The following PPARA variants were observed in gnomAD, a reference collection of about 807,000 sequenced individuals.
The protein encoded by PPARA is peroxisome proliferator activated receptor alpha.
PPARA carries 22 observed loss-of-function variants against 42.2 expected under a neutral mutation model. The observed-to-expected ratio is 0.52, with a 90% confidence interval of 0.37 to 0.74. PPARA has a LOEUF of 0.74. PPARA is among the 30% of genes least tolerant of loss of function. The probability of loss-of-function intolerance (pLI) is 0.00; values close to 1 mark genes in which losing one functional copy is unlikely to be tolerated. For missense variants in PPARA, 465 were observed against 608.2 expected (o/e 0.76, Z 2.48); for synonymous variants, 242 against 239.3 (o/e 1.01, Z -0.10).
chr22:46,199,451 G>A (rs1932755247), intron 4 of PPARA, among the ~76,000 whole-genome samples: 6 of 151,994 alleles, frequency 3.9e-5, no homozygotes, highest in Admixed American at 3.9e-4. Flanking sequence ...TGACCAACAT[G>A]GTGAGGCCCC....
rs1354568840 is a variant in PPARA, at chr22:46,204,317, GTC to G, written c.208+5730_208+5731del. Among the ~76,000 whole-genome samples the G allele has an allele frequency of 1.3e-5, 2 of 152,202 alleles. No individual in the cohort carries two copies. The highest frequency in any genetic ancestry group is 2.9e-5 in the Non-Finnish European group (2 of 68,044). ...AGCTGCTATGAACATTCACGTACAA[GTC>G]TCTGTACAACCCTCTGCTTTCATTT... is the stretch of plus-strand genomic sequence containing the variant. On this transcript the variant is annotated intron_variant, in intron 4 of 8. Transcript: ENST00000407236. This position sits in a 1 kb window ranked among gnomAD's most constrained non-coding sequence, Gnocchi z 5.2.
intron 3 of PPARA, among the ~76,000 whole-genome samples, chr22:46,189,627 T>C (rs778475703): frequency 3.3e-5 from 5 of 152,226 alleles, no homozygotes; most frequent in Admixed American, 6.5e-5. Flanking sequence ...TGTGTTTCCA[T>C]TGGCATTTTC....
In PPARA at chr22:46,175,325, G is replaced by C. The variant is rs139204643; in HGVS notation, c.-126-1428G>C. Among the ~76,000 whole-genome samples the C allele has an allele frequency of 2.8e-3, 424 of 152,208 alleles. 5 individuals carry two copies. The highest frequency in any genetic ancestry group is 9.7e-3 in the African/African-American group (404 of 41,536). ...TTTCCATCACCAATCAGTGGTCATG[G>C]TGCCTTTTATAGCCAAACCCACTTC... On this transcript the variant is annotated intron_variant, in intron 2 of 8. Transcript: ENST00000407236.
rs916836067 is a variant in PPARA, at chr22:46,224,018, G to C, written c.711+4004G>C. Among the ~76,000 whole-genome samples the C allele has an allele frequency of 2.0e-5, 3 of 151,954 alleles. No individual in the cohort carries two copies. The highest frequency in any genetic ancestry group is 7.3e-5 in the African/African-American group (3 of 41,334). ...ATTGGGGTTCACAATTTGGTTTTCTGTAGAAAAAGAGAACCGGGCACTCTT... is the reference window on the plus strand; with the variant it reads ...ATTGGGGTTCACAATTTGGTTTTCTCTAGAAAAAGAGAACCGGGCACTCTT... On this transcript the variant is annotated intron_variant, in intron 7 of 8. Coordinates refer to ENST00000407236, the MANE Select transcript of PPARA (RefSeq NM_005036.6). This position sits in a 1 kb window ranked among gnomAD's most constrained non-coding sequence, Gnocchi z 5.7.
intron 1 of PPARA, among the ~76,000 whole-genome samples, chr22:46,151,378 G>T (rs1344753750): frequency 6.6e-6 from 1 of 152,234 alleles, no homozygotes; most frequent in Non-Finnish European, 1.5e-5. Flanking sequence ...CGGGCGCCCA[G>T]GTCTTTCCGG....
At position 46,190,460 on chromosome 22, in the gene PPARA, C is replaced by T. The variant is rs1477157926; in HGVS notation, c.-42-7882C>T. ...TATTGTTCTGGAGGCTTTTGTATCA[C>T]ATATAAGTTCCAGGCTGGGTATGAT... On this transcript the variant is annotated intron_variant, in intron 3 of 8. Transcript: ENST00000407236. The surrounding 1 kb of genome is among the most constrained non-coding windows in gnomAD (Gnocchi z 5.6). 6.6e-6 allele frequency among the ~76,000 whole-genome samples: 1 copy of T among 152,168 alleles called. No homozygotes were observed. Among genetic ancestry groups the T allele is most frequent in the Non-Finnish European group, 1.5e-5 (1 of 68,026 alleles).
chr22:46,233,449 C>CA lies in PPARA; in HGVS notation c.1159+1211dup, dbSNP rs1364922283. 1.3e-5 allele frequency among the ~76,000 whole-genome samples: 2 copies of CA among 152,234 alleles called. No homozygotes were observed. The highest frequency in any genetic ancestry group is 2.4e-5 in the African/African-American group (1 of 41,462). ...GTTGGTGGAGACAGATGGGGTCTCCCACACTGCCTGCAGCCATACTGCGCC... is the reference window on the plus strand; with the variant it reads ...GTTGGTGGAGACAGATGGGGTCTCCCAACACTGCCTGCAGCCATACTGCGCC... On this transcript the variant is annotated intron_variant, in intron 8 of 8. Coordinates refer to ENST00000407236, the MANE Select transcript of PPARA (RefSeq NM_005036.6). This position sits in a 1 kb window ranked among gnomAD's most constrained non-coding sequence, Gnocchi z 7.3.
At chr22:46,210,359 C>G (rs1933810121) in intron 4 of PPARA, among the ~76,000 whole-genome samples, 1 of 149,088 alleles carries the variant, frequency 6.7e-6, no homozygotes, top group South Asian at 2.1e-4. Flanking sequence ...TCATCTGTGT[C>G]ACTTCTGAGT....
intron 4 of PPARA, among the ~76,000 whole-genome samples, chr22:46,210,605 G>A (rs538127388): frequency 8.2e-4 from 124 of 152,032 alleles, no homozygotes; most frequent in African/African-American, 2.9e-3. Flanking sequence ...ACCATGCCCA[G>A]ATAATTTTTT....
chr22:46,242,730 TGCAC>T lies in PPARA; in HGVS notation c.*7351_*7354del, dbSNP rs1936407535. On this transcript the variant is annotated 3_prime_UTR_variant, in exon 9 of 9. Transcript: ENST00000407236. This position sits in a 1 kb window ranked among gnomAD's most constrained non-coding sequence, Gnocchi z 6.1. ...AAAATACACTGCGTACACGTGTGCG[TGCAC>T]ACACACACACACACACACACACACA... is the stretch of plus-strand genomic sequence containing the variant. 1 of 100,652 alleles carries T rather than the reference TGCAC, an allele frequency of 9.9e-6. No individual in the cohort carries two copies. Among genetic ancestry groups the T allele is most frequent in the South Asian group, 2.7e-4 (1 of 3,724 alleles). The allele number at this position is 100,652 out of a possible 1,614,324, so 6.2% of individuals were successfully genotyped here.
rs1936182324 is a variant in PPARA, at chr22:46,236,003, C to T, written c.*623C>T. 6.4e-6 allele frequency: 1 copy of T among 155,050 alleles called. No individual in the cohort carries two copies. The highest frequency in any genetic ancestry group is 2.4e-5 in the African/African-American group (1 of 41,460). 9.6% of individuals were successfully genotyped at this position (155,050 alleles called of 1,614,324 possible). A position where few individuals can be genotyped will look rare whatever the true frequency, so the allele number is the denominator to read the frequency against. On this transcript the variant is annotated 3_prime_UTR_variant, in exon 9 of 9. Coordinates refer to ENST00000407236, the MANE Select transcript of PPARA (RefSeq NM_005036.6). This position sits in a 1 kb window ranked among gnomAD's most constrained non-coding sequence, Gnocchi z 5.2. ...GTCGCTCATACTTGTAATCCCAGCA[C>T]TTTGGGAGGCCGAGGCGGGTGGATC...
chr22:46,235,517 A>G lies in PPARA; in HGVS notation c.*137A>G. ...GCTTGGACAGTCTGAGCTGTAGGTA[A>G]CCGGCATATTATTCCATATCTTTGT... On this transcript the variant is annotated 3_prime_UTR_variant, in exon 9 of 9. Transcript: ENST00000407236. The surrounding 1 kb of genome is among the most constrained non-coding windows in gnomAD (Gnocchi z 7.0). 1 of 1,145,890 alleles carries G rather than the reference A, an allele frequency of 8.7e-7. No homozygotes were observed. Among genetic ancestry groups the G allele is most frequent in the South Asian group, 1.4e-5 (1 of 72,956 alleles). 71.0% of individuals were successfully genotyped at this position (1,145,890 alleles called of 1,614,324 possible).
chr22:46,191,882 A>G lies in PPARA; in HGVS notation c.-42-6460A>G, dbSNP rs762116694. 2.6e-5 allele frequency among the ~76,000 whole-genome samples: 4 copies of G among 152,200 alleles called. No individual in the cohort carries two copies. Among genetic ancestry groups the G allele is most frequent in the Admixed American group, 1.3e-4 (2 of 15,278 alleles). ...AGAGATCAAGACCATCCTGGCCAAC[A>G]TGGTGAAACCTTGTCTCTACTAAAA... On this transcript the variant is annotated intron_variant, in intron 3 of 8. Coordinates refer to ENST00000407236, the MANE Select transcript of PPARA (RefSeq NM_005036.6). The surrounding 1 kb of genome is among the most constrained non-coding windows in gnomAD (Gnocchi z 4.6).
chr22:46,160,142 G>A lies in PPARA; in HGVS notation c.-127+8172G>A, dbSNP rs1156633278. Among the ~76,000 whole-genome samples the A allele has an allele frequency of 6.6e-6, 1 of 152,214 alleles. No individual in the cohort carries two copies. Among genetic ancestry groups the A allele is most frequent in the African/African-American group, 2.4e-5 (1 of 41,456 alleles). On this transcript the variant is annotated intron_variant, in intron 2 of 8. Coordinates refer to ENST00000407236, the MANE Select transcript of PPARA (RefSeq NM_005036.6). The surrounding 1 kb of genome is among the most constrained non-coding windows in gnomAD (Gnocchi z 4.5). Reference sequence around the variant, plus strand: ...GAGCAGGCTCCCATTCCCAGCTAAGGGTGGCAGCTGGCGGGGATCTTTCCA... The same window carrying A: ...GAGCAGGCTCCCATTCCCAGCTAAGAGTGGCAGCTGGCGGGGATCTTTCCA...
chr22:46,178,232 A>G lies in PPARA; in HGVS notation c.-43+1396A>G, dbSNP rs530012904. 9.2e-5 allele frequency among the ~76,000 whole-genome samples: 14 copies of G among 152,350 alleles called. No homozygotes were observed. The South Asian group carries it at 2.9e-3, about 32-fold the overall frequency. ...TGTCAGAAGGTGACATGAGTTTTAA[A>G]CAATTAAGAAATATACTGGCTGTGG... On this transcript the variant is annotated intron_variant, in intron 3 of 8. Transcript: ENST00000407236.
Position 46,232,688 on chromosome 22 carries a change from T to C in PPARA, c.1159+449T>C, listed in dbSNP as rs1172833765. ...ATTATATATTTTGCACAAATATATA[T>C]ATAGAGAAAAAGAGGTCGGACATGG... On this transcript the variant is annotated intron_variant, in intron 8 of 8. Transcript: ENST00000407236. The surrounding 1 kb of genome is among the most constrained non-coding windows in gnomAD (Gnocchi z 5.3). 2.0e-5 allele frequency among the ~76,000 whole-genome samples: 3 copies of C among 151,162 alleles called. No individual in the cohort carries two copies. Among genetic ancestry groups the C allele is most frequent in the Non-Finnish European group, 4.4e-5 (3 of 67,882 alleles).
Position 46,152,423 on chromosome 22 carries a change from G to A in PPARA, c.-127+453G>A, listed in dbSNP as rs4253616. 1.9e-3 allele frequency among the ~76,000 whole-genome samples: 296 copies of A among 152,204 alleles called. 1 individual carries two copies. Among genetic ancestry groups the A allele is most frequent in the African/African-American group, 6.7e-3 (277 of 41,546 alleles). ...GCTGGGATTACAGACGTGAGCCACC[G>A]TGCCTGGCCTAGGATTCACTTTGAA... On this transcript the variant is annotated intron_variant, in intron 2 of 8. Coordinates refer to ENST00000407236, the MANE Select transcript of PPARA (RefSeq NM_005036.6).
chr22:46,209,142 T>G (rs1476208677), intron 4 of PPARA, among the ~76,000 whole-genome samples: 1 of 152,240 alleles, frequency 6.6e-6, no homozygotes, highest in Non-Finnish European at 1.5e-5. Context: ...TCCATACTTA[T>G]TTTGCATAAT....
rs1036505319 is a variant in PPARA at position 46,212,916 on chromosome 22, A to C, written c.209-2257A>C. 1.3e-5 allele frequency among the ~76,000 whole-genome samples: 2 copies of C among 152,168 alleles called. No individual in the cohort carries two copies. Among genetic ancestry groups the C allele is most frequent in the African/African-American group, 4.8e-5 (2 of 41,446 alleles). On this transcript the variant is annotated intron_variant, in intron 4 of 8. Transcript: ENST00000407236. The surrounding 1 kb of genome is among the most constrained non-coding windows in gnomAD (Gnocchi z 4.2). ...AAGGCTGAGGCAGGAGAATCACTTG[A>C]ACCTGGAGGCAGAGGTTGCAGTGAG...
Sources: allele counts gnomAD v4.1 joint callset (sites outside exome capture counted in the v4.1 genomes callset), GRCh38; gene constraint gnomAD v4.1.1; non-coding constraint Gnocchi (gnomAD v3.1); transcripts MANE v1.5; gene names NCBI Gene and HGNC (gene_info 2026-07-23, HGNC 2026-07-21).